The following NOVA1 variants were observed in gnomAD, a reference collection of about 807,000 sequenced individuals.
NOVA1 encodes RNA-binding protein Nova-1.
A neutral mutation model predicts 38.0 loss-of-function variants in NOVA1; 7 were observed. That is an observed-to-expected ratio of 0.18 (90% CI 0.10 to 0.35). NOVA1 has a LOEUF of 0.35. Ranked by LOEUF, NOVA1 falls within the 10% of genes least tolerant of loss-of-function variation. NOVA1 has a pLI of 1.00. For synonymous variants in NOVA1, 270 were observed against 232.5 expected (o/e 1.16, Z -1.47); for missense variants, 460 against 616.0 (o/e 0.75, Z 2.68).
At chr14:26,461,724 T>C (rs1263641578) in intron 4 of NOVA1, among the ~76,000 whole-genome samples, 5 of 146,900 alleles carry the variant, frequency 3.4e-5, no homozygotes, top group Non-Finnish European at 7.5e-5. Flanking sequence ...AGGTCGAGAG[T>C]TCAAGACCAG....
At chr14:26,596,926 A>G (rs1894227769) in intron 1 of NOVA1, 1 of 1,180,630 alleles carries the variant, frequency 8.5e-7, no homozygotes, top group Non-Finnish European at 1.1e-6. Flanking sequence ...CGCAGCGCGC[A>G]TCTTCGGGCG....
At chr14:26,499,935 G>A (rs1038267333) in intron 2 of NOVA1, among the ~76,000 whole-genome samples, 8 of 152,058 alleles carry the variant, frequency 5.3e-5, no homozygotes, top group Non-Finnish European at 1.2e-4. Flanking sequence ...CATATTATCA[G>A]TGTCTTCCTG....
intron 2 of NOVA1, among the ~76,000 whole-genome samples, chr14:26,590,881 T>G: frequency 6.6e-6 from 1 of 151,774 alleles, no homozygotes; most frequent in East Asian, 1.9e-4. Flanking sequence ...ATTATGTATA[T>G]GATTCATGAA....
At chr14:26,538,907 T>C (rs192065314) in intron 2 of NOVA1, among the ~76,000 whole-genome samples, 3 of 152,268 alleles carry the variant, frequency 2.0e-5, no homozygotes, top group East Asian at 3.9e-4. Flanking sequence ...ATTTCTTTCT[T>C]TTCTCTGAGC....
intron 2 of NOVA1, among the ~76,000 whole-genome samples, chr14:26,544,829 G>C (rs1232740146): frequency 1.3e-5 from 2 of 151,744 alleles, no homozygotes; most frequent in Non-Finnish European, 2.9e-5. Context: ...GAATGGAACT[G>C]CATGTAAAGT....
chr14:26,521,271 T>C (rs1327935288), intron 2 of NOVA1, among the ~76,000 whole-genome samples: 1 of 152,080 alleles, frequency 6.6e-6, no homozygotes, highest in Non-Finnish European at 1.5e-5. Context: ...TACCTTACAA[T>C]GAGTTTACTG....
At chr14:26,591,711 C>G (rs1441936339) in intron 2 of NOVA1, among the ~76,000 whole-genome samples, 3 of 151,466 alleles carry the variant, frequency 2.0e-5, no homozygotes, top group Non-Finnish European at 4.4e-5. Flanking sequence ...ACTATATTTT[C>G]CCCTTTTCAA....
At position 26,497,220 on chromosome 14, in the gene NOVA1, C is replaced by A. The variant is rs866520839; in HGVS notation, c.281-17077G>T. ...AATTGCTTCTAAGAGAATAAAATAC[C>A]TAGGAATCCACCTTACAAGGGACGT... is the stretch of plus-strand genomic sequence containing the variant. On this transcript the variant is annotated intron_variant, in intron 2 of 4. Coordinates refer to ENST00000539517, the MANE Select transcript of NOVA1 (RefSeq NM_002515.3). Among the ~76,000 whole-genome samples, 66 of 152,130 alleles carry A rather than the reference C, an allele frequency of 4.3e-4. 2 individuals carry two copies. Among genetic ancestry groups the A allele is most frequent in the South Asian group, 8.3e-4 (4 of 4,824 alleles).
At position 26,597,765 on chromosome 14, in the gene NOVA1, A is replaced by C; in HGVS notation, c.-329T>G. On this transcript the variant is annotated 5_prime_UTR_variant, in exon 1 of 5. Transcript: ENST00000539517. The stretch of plus-strand genomic sequence containing the variant: ...GTGGAGAAGGGAGAGGGGCGAGTGA[A>C]TGAGCGGGAGGAGGGGACCGGGGAG... 3 of 871,274 alleles carry C rather than the reference A, an allele frequency of 3.4e-6. No individual in the cohort carries two copies. The highest frequency in any genetic ancestry group is 4.1e-6 in the Non-Finnish European group (3 of 726,530). 54.0% of individuals were successfully genotyped at this position (871,274 alleles called of 1,614,324 possible).
intron 2 of NOVA1, among the ~76,000 whole-genome samples, chr14:26,530,334 T>C: frequency 6.6e-6 from 1 of 152,156 alleles, no homozygotes; most frequent in East Asian, 1.9e-4. Flanking sequence ...TATTAAATAA[T>C]ATACAGCAGT....
At chr14:26,464,550 C>T (rs1035683932) in intron 4 of NOVA1, among the ~76,000 whole-genome samples, 1 of 152,098 alleles carries the variant, frequency 6.6e-6, no homozygotes, top group East Asian at 1.9e-4. Context: ...CTTCATTTAC[C>T]AATTGCATCT....
intron 3 of NOVA1, among the ~76,000 whole-genome samples, chr14:26,476,295 G>C (rs1884977943): frequency 6.6e-6 from 1 of 152,098 alleles, no homozygotes; most frequent in South Asian, 2.1e-4. Flanking sequence ...TAATGCAAGA[G>C]AGAACAAACA....
intron 2 of NOVA1, among the ~76,000 whole-genome samples, chr14:26,582,036 T>C (rs61988063): frequency 0.061 from 9,207 of 151,856 alleles, 459 homozygotes; most frequent in East Asian, 0.25. Flanking sequence ...GTCTAAAGAA[T>C]TTAAAAACAA....
chr14:26,509,621 A>G (rs1277287664), intron 2 of NOVA1, among the ~76,000 whole-genome samples: 1 of 152,166 alleles, frequency 6.6e-6, no homozygotes, highest in Non-Finnish European at 1.5e-5. Context: ...TACATTCTCT[A>G]GATGTAAAGA....
intron 2 of NOVA1, among the ~76,000 whole-genome samples, chr14:26,489,102 G>A (rs1410943450): frequency 1.3e-5 from 2 of 152,016 alleles, no homozygotes; most frequent in Admixed American, 1.3e-4. Context: ...TACGAGATGA[G>A]AGCAAGAAAA....
At chr14:26,594,583 A>C (rs1201833782) in intron 2 of NOVA1, 2 of 152,092 alleles carry the variant, frequency 1.3e-5, no homozygotes, top group African/African-American at 4.8e-5. Context: ...TTTATCTAGG[A>C]AATGTACTAC....
At chr14:26,546,835 T>C (rs1006819310) in intron 2 of NOVA1, among the ~76,000 whole-genome samples, 1 of 152,054 alleles carries the variant, frequency 6.6e-6, no homozygotes, top group Admixed American at 6.6e-5. Context: ...CTGGCTAACA[T>C]GGTGAAACCC....
At chr14:26,530,294 C>A (rs1294806511) in intron 2 of NOVA1, among the ~76,000 whole-genome samples, 1 of 152,074 alleles carries the variant, frequency 6.6e-6, no homozygotes, top group Non-Finnish European at 1.5e-5. Flanking sequence ...CTGCTGCATG[C>A]TTGAAAAATA....
intron 4 of NOVA1, among the ~76,000 whole-genome samples, chr14:26,460,618 C>A (rs1160443724): frequency 6.6e-6 from 1 of 151,692 alleles, no homozygotes; most frequent in Admixed American, 6.6e-5. Context: ...CAAAAATGAT[C>A]AATTTATTGT....
Sources: gnomAD v4.1 joint callset for allele counts (sites outside exome capture counted in the v4.1 genomes callset) on GRCh38, gnomAD v4.1.1 for gene constraint, MANE v1.5 for transcripts, NCBI Gene and HGNC (gene_info 2026-07-23, HGNC 2026-07-21) for gene names.